Variants in ADGRL3 observed in about 807,000 individuals in gnomAD.
The protein encoded by ADGRL3 is adhesion G protein-coupled receptor L3.
ADGRL3 carries 62 observed loss-of-function variants against 153.5 expected under a neutral mutation model. The ratio of observed to expected loss-of-function variants is 0.40; its 90% confidence interval spans 0.33 to 0.50. The LOEUF is 0.50. ADGRL3 is among the 20% of genes least tolerant of loss of function. The pLI is 0.47. For missense variants in ADGRL3, 1,641 were observed against 1,859.4 expected (o/e 0.88, Z 2.16); for synonymous variants, 710 against 672.5 (o/e 1.06, Z -0.86).
intron 19 of ADGRL3, among the ~76,000 whole-genome samples, chr4:61,993,275 T>G (rs980082149): frequency 2.0e-5 from 3 of 148,564 alleles, no homozygotes; most frequent in Non-Finnish European, 3.0e-5. Context: ...TTCTGTTTCT[T>G]TTTTTCTTTC....
At chr4:61,517,277 G>T in intron 3 of ADGRL3, 38 bp from the exon 4 acceptor site, 1 of 700,044 alleles carries the variant, frequency 1.4e-6, no homozygotes, top group South Asian at 1.5e-5. Context: ...GGACTGAGGT[G>T]AGCAGGGGTC....
chr4:61,682,690 G>A (rs1303551408), intron 6 of ADGRL3, among the ~76,000 whole-genome samples: 1 of 151,396 alleles, frequency 6.6e-6, no homozygotes, highest in African/African-American at 2.4e-5. Context: ...ACAGGCATGA[G>A]CCACTGTGCC....
chr4:61,373,991 A>G (rs967967440), intron 1 of ADGRL3, among the ~76,000 whole-genome samples: 2 of 152,176 alleles, frequency 1.3e-5, no homozygotes, highest in African/African-American at 4.8e-5. Flanking sequence ...ATACCCACAC[A>G]TACACGAATC....
chr4:61,686,270 G>A (rs556380128), intron 6 of ADGRL3, among the ~76,000 whole-genome samples: 5 of 152,116 alleles, frequency 3.3e-5, no homozygotes, highest in Admixed American at 2.6e-4. Flanking sequence ...ACATACAAAG[G>A]TAGGGTTTTC....
At chr4:61,466,099 C>T (rs547272892) in intron 2 of ADGRL3, among the ~76,000 whole-genome samples, 11 of 151,390 alleles carry the variant, frequency 7.3e-5, no homozygotes, top group African/African-American at 2.2e-4. Flanking sequence ...CAGCTCTGGG[C>T]GACAGAGCAA....
At position 61,373,189 on chromosome 4, in the gene ADGRL3, C is replaced by T. The variant is rs6824929; in HGVS notation, c.-239-9935C>T. On this transcript the variant is annotated intron_variant, in intron 1 of 26. Transcript: ENST00000683033. ...TGGAAATGCAGAAATCACCCGTCTT[C>T]GTCGCTCAGGCTGGGAGCTGTAGAC... Among the ~76,000 whole-genome samples the T allele has an allele frequency of 9.0e-4, 137 of 152,110 alleles. 1 individual carries two copies. Among genetic ancestry groups the T allele is most frequent in the African/African-American group, 3.0e-3 (126 of 41,490 alleles).
chr4:61,736,779 A>T (rs1467399262), intron 8 of ADGRL3, among the ~76,000 whole-genome samples: 1 of 152,248 alleles, frequency 6.6e-6, no homozygotes, highest in Non-Finnish European at 1.5e-5. Flanking sequence ...TTCCTTTTGA[A>T]CAACGACAAT....
chr4:61,339,265 C>G (rs1331171196), intron 1 of ADGRL3, among the ~76,000 whole-genome samples: 1 of 152,146 alleles, frequency 6.6e-6, no homozygotes, highest in Non-Finnish European at 1.5e-5. Context: ...TTCACACATA[C>G]AAAACCTTTC....
intron 5 of ADGRL3, among the ~76,000 whole-genome samples, chr4:61,626,173 T>C (rs77752207): frequency 0.033 from 4,964 of 152,192 alleles, 149 homozygotes; most frequent in East Asian, 0.18. Flanking sequence ...TAAGGATTTA[T>C]TTTTAAAATA....
chr4:61,445,427 G>A (rs1006968768), intron 2 of ADGRL3, among the ~76,000 whole-genome samples: 5 of 152,192 alleles, frequency 3.3e-5, no homozygotes, highest in African/African-American at 1.2e-4. Context: ...TTTAACAAAA[G>A]GAAGTCACAG....
intron 4 of ADGRL3, among the ~76,000 whole-genome samples, chr4:61,522,754 AGT>A (rs2098538608): frequency 6.6e-6 from 1 of 152,094 alleles, no homozygotes; most frequent in Admixed American, 6.5e-5. Flanking sequence ...AGTTTAACAA[AGT>A]TAGTAGGAAG....
intron 1 of ADGRL3, among the ~76,000 whole-genome samples, chr4:61,292,503 T>C (rs2094257110): frequency 6.6e-6 from 1 of 152,176 alleles, no homozygotes; most frequent in African/African-American, 2.4e-5. Context: ...TTTGTTTATA[T>C]AGAAACATGC....
chr4:62,018,769 T>G (rs1173014322), intron 21 of ADGRL3, among the ~76,000 whole-genome samples: 4 of 152,210 alleles, frequency 2.6e-5, no homozygotes, highest in Admixed American at 6.5e-5. Flanking sequence ...AGGGAGGCTG[T>G]CTGTGGAAGC....
intron 1 of ADGRL3, among the ~76,000 whole-genome samples, chr4:61,337,711 T>C: frequency 6.6e-6 from 1 of 152,342 alleles, no homozygotes; most frequent in South Asian, 2.1e-4. Flanking sequence ...GTGTATTTTC[T>C]TTTTTAACTG....
chr4:61,866,922 A>G (rs1190694521), intron 9 of ADGRL3, among the ~76,000 whole-genome samples: 1 of 152,182 alleles, frequency 6.6e-6, no homozygotes. Context: ...AGATCCTGGT[A>G]TTGAGATGCA....
At chr4:62,062,356 A>G (rs1000034750) in intron 25 of ADGRL3, among the ~76,000 whole-genome samples, 6 of 151,758 alleles carry the variant, frequency 4.0e-5, no homozygotes, top group Non-Finnish European at 8.8e-5. Context: ...GCTCGATACT[A>G]GTTCTTTTTT....
At position 61,381,293 on chromosome 4, in the gene ADGRL3, TTGTGTGTGTG is replaced by T. The variant is rs55767359; in HGVS notation, c.-239-1799_-239-1790del. ...TACAGACAGTTTCCAATAAACAAGT[TTGTGTGTGTG>T]TGTGTGTGTGTGTGTGTGTGTGTGT... is the stretch of plus-strand genomic sequence containing the variant. On this transcript the variant is annotated intron_variant, in intron 1 of 26. Transcript: ENST00000683033. Among the ~76,000 whole-genome samples, 525 of 141,408 alleles carry T rather than the reference TTGTGTGTGTG, an allele frequency of 3.7e-3. 1 individual carries two copies. Among genetic ancestry groups the T allele is most frequent in the Middle Eastern group, 0.014 (4 of 276 alleles). The allele number at this position is 141,408 out of a possible 152,430, so 92.8% of individuals were successfully genotyped here. A position where few individuals can be genotyped will look rare whatever the true frequency, so the allele number is the denominator to read the frequency against.
At chr4:61,359,616 G>A (rs142303996) in intron 1 of ADGRL3, among the ~76,000 whole-genome samples, 406 of 152,144 alleles carry the variant, frequency 2.7e-3, no homozygotes, top group African/African-American at 9.3e-3. Flanking sequence ...GTTTTTACTC[G>A]AATTTTACCT....
chr4:61,363,783 C>T (rs976928984), intron 1 of ADGRL3, among the ~76,000 whole-genome samples: 5 of 151,786 alleles, frequency 3.3e-5, no homozygotes, highest in African/African-American at 1.2e-4. Flanking sequence ...TTTTCAGTAA[C>T]GCTTTAAGGT....
Sources: allele counts gnomAD v4.1 joint callset (sites outside exome capture counted in the v4.1 genomes callset), GRCh38; gene constraint gnomAD v4.1.1; transcripts MANE v1.5; gene names NCBI Gene and HGNC (gene_info 2026-07-23, HGNC 2026-07-21).